BRD10: variants seen among roughly 807,000 people sequenced by gnomAD.
BRD10 encodes uncharacterized bromodomain-containing protein 10.
chr9:5,922,269 T>A, the BRD10 span: 1 of 1,613,754 alleles, frequency 6.2e-7, no homozygotes, highest in Non-Finnish European at 8.5e-7. Flanking sequence ...GTAGACCCAT[T>A]TAGTGTTGTT....
the BRD10 span, chr9:6,007,255 A>G: frequency 1.9e-6 from 3 of 1,613,788 alleles, no homozygotes; most frequent in Non-Finnish European, 2.5e-6. Context: ...CTGTTTGGAG[A>G]TCCAGTGGTC....
the BRD10 span, among the ~76,000 whole-genome samples, chr9:5,996,318 T>G: frequency 3.4e-5 from 5 of 145,506 alleles, no homozygotes; most frequent in Admixed American, 2.1e-4. Context: ...TTTTTTTTTT[T>G]GTTGTTGTTG....
the BRD10 span, among the ~76,000 whole-genome samples, chr9:5,974,043 C>G: frequency 3.3e-5 from 5 of 151,838 alleles, no homozygotes; most frequent in African/African-American, 1.2e-4. Context: ...TTCAGGAAGC[C>G]CCCAAAAATA....
At chr9:5,982,512 G>C in the BRD10 span, among the ~76,000 whole-genome samples, 9 of 152,304 alleles carry the variant, frequency 5.9e-5, no homozygotes, top group East Asian at 1.7e-3. Context: ...GAATGGGGCT[G>C]ATGGCTTTAT....
the BRD10 span, among the ~76,000 whole-genome samples, chr9:5,940,383 C>CG: frequency 1.3e-5 from 2 of 151,926 alleles, no homozygotes; most frequent in Non-Finnish European, 2.9e-5. Flanking sequence ...TTTGTAGAGA[C>CG]AGGGTTTCAC....
At chr9:5,980,968 C>G in the BRD10 span, among the ~76,000 whole-genome samples, 1 of 152,196 alleles carries the variant, frequency 6.6e-6, no homozygotes, top group Non-Finnish European at 1.5e-5. Context: ...CCTTCCTCTT[C>G]TAACATGACC....
the BRD10 span, among the ~76,000 whole-genome samples, chr9:5,961,179 T>C: frequency 1.2e-3 from 179 of 152,220 alleles, 3 homozygotes; most frequent in Admixed American, 9.3e-3. Flanking sequence ...TGTTATAGAA[T>C]AGAGAGGAGA....
the BRD10 span, among the ~76,000 whole-genome samples, chr9:5,880,949 C>T: frequency 2.0e-5 from 3 of 152,194 alleles, no homozygotes; most frequent in South Asian, 2.1e-4. Context: ...ATGATCCACC[C>T]GCCTCGGCCT....
At chr9:5,941,849 T>C in the BRD10 span, among the ~76,000 whole-genome samples, 3 of 152,156 alleles carry the variant, frequency 2.0e-5, no homozygotes, top group South Asian at 4.1e-4. Flanking sequence ...CATTCTTCCC[T>C]GCTGCTTTTC....
chr9:5,951,152 T>C, the BRD10 span, among the ~76,000 whole-genome samples: 1 of 150,750 alleles, frequency 6.6e-6, no homozygotes, highest in African/African-American at 2.4e-5. Flanking sequence ...TAAATAGGAG[T>C]AGGATGATTA....
the BRD10 span, among the ~76,000 whole-genome samples, chr9:5,935,459 A>T: frequency 1.3e-5 from 2 of 152,214 alleles, no homozygotes; most frequent in African/African-American, 4.8e-5. Context: ...AGAAAATCTA[A>T]CAATATACAT....
the BRD10 span, among the ~76,000 whole-genome samples, chr9:5,950,358 A>T: frequency 6.6e-6 from 1 of 152,240 alleles, no homozygotes; most frequent in South Asian, 2.1e-4. Context: ...AGTAAGCTGT[A>T]TCATTCAATC....
the BRD10 span, among the ~76,000 whole-genome samples, chr9:5,904,274 A>T: frequency 6.6e-6 from 1 of 152,198 alleles, no homozygotes; most frequent in Non-Finnish European, 1.5e-5. Flanking sequence ...CTGTCTTTTA[A>T]TTGGTGCATT....
the BRD10 span, among the ~76,000 whole-genome samples, chr9:5,884,962 C>T: frequency 6.6e-6 from 1 of 152,186 alleles, no homozygotes; most frequent in Non-Finnish European, 1.5e-5. Flanking sequence ...GCCTCCTTTG[C>T]TGCTTCCTGA....
the BRD10 span, chr9:5,922,408 T>A: frequency 6.2e-7 from 1 of 1,614,032 alleles, no homozygotes; most frequent in South Asian, 1.1e-5. Context: ...ATGGTGTTAA[T>A]AAGTTACTTA....
At chr9:5,961,130 G>C in the BRD10 span, among the ~76,000 whole-genome samples, 1 of 152,158 alleles carries the variant, frequency 6.6e-6, no homozygotes, top group South Asian at 2.1e-4. Context: ...TAAAGTGCCA[G>C]GGATGCAAAA....
chr9:5,900,648 T>C, the BRD10 span, among the ~76,000 whole-genome samples: 4 of 152,174 alleles, frequency 2.6e-5, no homozygotes, highest in Non-Finnish European at 4.4e-5. Context: ...CTTTTCAACT[T>C]CCATTTGTCC....
the BRD10 span, among the ~76,000 whole-genome samples, chr9:5,895,072 C>T: frequency 6.6e-6 from 1 of 152,216 alleles, no homozygotes; most frequent in Non-Finnish European, 1.5e-5. Flanking sequence ...AAAATACCCA[C>T]TCAACCCGTA....
chr9:5,999,378 T>C, the BRD10 span, among the ~76,000 whole-genome samples: 17 of 152,114 alleles, frequency 1.1e-4, no homozygotes, highest in African/African-American at 4.1e-4. Context: ...CATTTATATA[T>C]ATATAATCAC....
Sources: gnomAD v4.1 joint callset for allele counts (sites outside exome capture counted in the v4.1 genomes callset) on GRCh38, gnomAD v4.1.1 for gene constraint, MANE v1.5 for transcripts, NCBI Gene and HGNC (gene_info 2026-07-23, HGNC 2026-07-21) for gene names.